The following NEGR1 variants were observed in gnomAD, a reference collection of about 807,000 sequenced individuals.
The protein encoded by NEGR1 is neuronal growth regulator 1.
A neutral mutation model predicts 40.9 loss-of-function variants in NEGR1; 10 were observed. The ratio of observed to expected loss-of-function variants is 0.24; its 90% CI spans 0.15 to 0.42. The LOEUF is 0.42. Among genes scored for constraint, NEGR1 ranks in the 10% least tolerant of loss-of-function variants. The pLI is 1.00. For missense variants in NEGR1, 352 were observed against 438.9 expected (o/e 0.80, Z 1.77); for synonymous variants, 185 against 166.8 (o/e 1.11, Z -0.84).
At chr1:71,816,210 A>G (rs912779155) in intron 2 of NEGR1, among the ~76,000 whole-genome samples, 6 of 152,034 alleles carry the variant, frequency 3.9e-5, no homozygotes, top group African/African-American at 1.4e-4. Context: ...TTGCTTTATT[A>G]TTATGTTGGC....
chr1:71,610,992 G>T, intron 5 of NEGR1, 34 bp downstream of exon 5: 1 of 1,607,724 alleles, frequency 6.2e-7, no homozygotes, highest in South Asian at 1.1e-5. Context: ...AGCTCAAAGT[G>T]CTTAGAACAC....
rs536445514 is a variant in NEGR1, at chr1:71,876,595, A to G, written c.409+58484T>C. Among the ~76,000 whole-genome samples the G allele has an allele frequency of 1.4e-4, 21 of 146,138 alleles. 1 individual carries two copies. The East Asian group carries it at 2.1e-3, about 14-fold the overall frequency. Reference sequence around the variant, plus strand: ...AGGATGGGAGGGAGGCAAGGAAGGAAGGAAGGAAAGAAGGAAGGAAGGAAG... The same window carrying G: ...AGGATGGGAGGGAGGCAAGGAAGGAGGGAAGGAAAGAAGGAAGGAAGGAAG... On this transcript the variant is annotated intron_variant, in intron 2 of 6. Coordinates refer to ENST00000357731, the MANE Select transcript of NEGR1 (RefSeq NM_173808.3).
At chr1:71,503,629 GT>G (rs753336222) in intron 6 of NEGR1, among the ~76,000 whole-genome samples, 3 of 152,162 alleles carry the variant, frequency 2.0e-5, no homozygotes, top group Admixed American at 6.5e-5. Flanking sequence ...CCTTAGGGAA[GT>G]TCCCATAGAC....
Position 71,544,646 on chromosome 1 carries a change from T to A in NEGR1, c.940+48171A>T, listed in dbSNP as rs141976268. Among the ~76,000 whole-genome samples, 98 of 151,794 alleles carry A rather than the reference T, an allele frequency of 6.5e-4. No individual in the cohort carries two copies. The East Asian group carries it at 0.017, about 27-fold the overall frequency. On this transcript the variant is annotated intron_variant, in intron 6 of 6. Coordinates refer to ENST00000357731, the MANE Select transcript of NEGR1 (RefSeq NM_173808.3). ...TATTATTAATGTAACTTCAACAGAT[T>A]ATATACACTTTAAGTATTAGACAGT...
At chr1:72,092,557 G>A (rs939851720) in intron 1 of NEGR1, among the ~76,000 whole-genome samples, 3 of 152,094 alleles carry the variant, frequency 2.0e-5, no homozygotes, top group South Asian at 4.1e-4. Flanking sequence ...ACGAGTCAAA[G>A]GTAATCATGT....
intron 4 of NEGR1, among the ~76,000 whole-genome samples, chr1:71,657,383 C>T (rs1259148258): frequency 6.6e-6 from 1 of 152,184 alleles, no homozygotes; most frequent in Non-Finnish European, 1.5e-5. Context: ...TGTCTCTAAA[C>T]ATCACACTAA....
chr1:71,850,071 A>G (rs1414105804), intron 2 of NEGR1, among the ~76,000 whole-genome samples: 1 of 151,290 alleles, frequency 6.6e-6, no homozygotes, highest in Non-Finnish European at 1.5e-5. Flanking sequence ...TAATTGACAT[A>G]TCCATTACTT....
At chr1:72,063,835 A>C (rs563132457) in intron 1 of NEGR1, among the ~76,000 whole-genome samples, 1 of 151,956 alleles carries the variant, frequency 6.6e-6, no homozygotes, top group East Asian at 2.0e-4. Context: ...GTAGTGCTTG[A>C]TCACAATGGC....
chr1:72,125,629 CAGAT>C (rs1400882448), intron 1 of NEGR1, among the ~76,000 whole-genome samples: 9 of 151,986 alleles, frequency 5.9e-5, no homozygotes, highest in East Asian at 3.9e-4. Flanking sequence ...ACACAGAGCA[CAGAT>C]AGTGTATTAA....
At chr1:71,686,512 AGCATAG>A (rs1653045400) in intron 4 of NEGR1, among the ~76,000 whole-genome samples, 1 of 152,118 alleles carries the variant, frequency 6.6e-6, no homozygotes, top group South Asian at 2.1e-4. Flanking sequence ...AAGGAAAATA[AGCATAG>A]CAGAGCATGC....
Position 71,854,651 on chromosome 1 carries a change from G to A in NEGR1, c.410-78354C>T, listed in dbSNP as rs566274708. Among the ~76,000 whole-genome samples, 367 of 152,136 alleles carry A rather than the reference G, an allele frequency of 2.4e-3. 3 individuals carry two copies. The highest frequency in any genetic ancestry group is 4.2e-3 in the Non-Finnish European group (287 of 67,990). The stretch of plus-strand genomic sequence containing the variant: ...ACTGCTGGTGGTGGGGGCGACCTCA[G>A]GAAAGTTACAATCATGGAGGAAGGC... On this transcript the variant is annotated intron_variant, in intron 2 of 6. Transcript: ENST00000357731.
intron 3 of NEGR1, among the ~76,000 whole-genome samples, chr1:71,773,027 G>A (rs1056594498): frequency 1.1e-4 from 17 of 152,160 alleles, no homozygotes; most frequent in African/African-American, 3.9e-4. Context: ...TCTCAGGAAA[G>A]GTGTTTTTTT....
intron 4 of NEGR1, among the ~76,000 whole-genome samples, chr1:71,676,486 G>T (rs1297180748): frequency 6.6e-6 from 1 of 152,082 alleles, no homozygotes; most frequent in Non-Finnish European, 1.5e-5. Flanking sequence ...TGTAAGACAA[G>T]GAAACAGCAA....
chr1:71,626,437 C>T (rs1258915875), intron 4 of NEGR1, among the ~76,000 whole-genome samples: 5 of 149,792 alleles, frequency 3.3e-5, no homozygotes. Flanking sequence ...GTTCAATTCC[C>T]ACCTATGAGT....
At chr1:72,184,628 T>C (rs1351873295) in intron 1 of NEGR1, among the ~76,000 whole-genome samples, 2 of 152,006 alleles carry the variant, frequency 1.3e-5, no homozygotes, top group African/African-American at 4.8e-5. Flanking sequence ...TGTGTACAAT[T>C]CACTCAAAAT....
At chr1:71,701,745 T>C (rs1259433206) in intron 3 of NEGR1, among the ~76,000 whole-genome samples, 1 of 152,078 alleles carries the variant, frequency 6.6e-6, no homozygotes, top group Non-Finnish European at 1.5e-5. Context: ...ATACAAATTT[T>C]AATTTAATTA....
chr1:71,685,684 A>G (rs919355459), intron 4 of NEGR1, among the ~76,000 whole-genome samples: 2 of 151,862 alleles, frequency 1.3e-5, no homozygotes, highest in Non-Finnish European at 2.9e-5. Flanking sequence ...CCACGTGTGT[A>G]CTCCACTTCC....
chr1:72,021,595 A>T (rs1465782801), intron 1 of NEGR1, among the ~76,000 whole-genome samples: 2 of 152,146 alleles, frequency 1.3e-5, no homozygotes, highest in Admixed American at 1.3e-4. Flanking sequence ...AAGAAAAGTA[A>T]AATGATATTT....
chr1:71,728,313 A>T (rs960545499), intron 3 of NEGR1, among the ~76,000 whole-genome samples: 1 of 152,162 alleles, frequency 6.6e-6, no homozygotes, highest in Non-Finnish European at 1.5e-5. Flanking sequence ...GGAATAAAAT[A>T]ACACATTGGA....
Sources: gnomAD v4.1 joint callset for allele counts (sites outside exome capture counted in the v4.1 genomes callset) on GRCh38, gnomAD v4.1.1 for gene constraint, MANE v1.5 for transcripts, NCBI Gene and HGNC (gene_info 2026-07-23, HGNC 2026-07-21) for gene names.